The following DNAJC13 variants were observed in gnomAD, a reference collection of about 807,000 sequenced individuals.
DNAJC13 encodes dnaJ homolog subfamily C member 13.
DNAJC13 carries 75 observed loss-of-function variants against 290.5 expected under a neutral mutation model. The ratio of observed to expected loss-of-function variants is 0.26; its 90% CI spans 0.21 to 0.31. DNAJC13 has a LOEUF of 0.31. Ranked by LOEUF, DNAJC13 falls within the 10% of genes least tolerant of loss-of-function variation. DNAJC13 has a pLI of 1.00. For synonymous variants in DNAJC13, 862 were observed against 892.0 expected (o/e 0.97, Z 0.60); for missense variants, 2,260 against 2,674.5 (o/e 0.85, Z 3.42).
chr3:132,533,270 G>C (rs1428807481), intron 55 of DNAJC13, among the ~76,000 whole-genome samples: 1 of 150,888 alleles, frequency 6.6e-6, no homozygotes, highest in Admixed American at 6.6e-5. Context: ...GACTTCAGGT[G>C]ATCTGCCCAC....
At position 132,456,502 on chromosome 3, in the gene DNAJC13, T is replaced by C; in HGVS notation, c.1101T>C (p.Asn367=). 2 of 1,613,828 alleles carry C rather than the reference T, an allele frequency of 1.2e-6. No individual in the cohort carries two copies. Among genetic ancestry groups the C allele is most frequent in the African/African-American group, 2.7e-5 (2 of 75,038 alleles). Residue 367 remains asparagine (N), a splice_region_variant and synonymous_variant, in exon 11 of 56, where the codon AAT becomes AAC. Transcript: ENST00000260818. ...TTGAACCTCTTAATCTCTTTACAGATGGCAACTTTGCAGATGCTGTATTCA... is the reference window on the plus strand; with the variant it reads ...TTGAACCTCTTAATCTCTTTACAGACGGCAACTTTGCAGATGCTGTATTCA... ...LHLRFLATPP[N]GNFADAVFRF...
intron 2 of DNAJC13, among the ~76,000 whole-genome samples, chr3:132,444,121 A>C (rs1933168075): frequency 6.6e-6 from 1 of 152,116 alleles, no homozygotes; most frequent in African/African-American, 2.4e-5. Flanking sequence ...CCTGAGCTCC[A>C]TCCACCTCCT....
At chr3:132,503,757 A>G (rs7651369) in intron 41 of DNAJC13, among the ~76,000 whole-genome samples, 76,231 of 151,924 alleles carry the variant, frequency 0.5, 22,409 homozygotes, top group African/African-American at 0.8. Context: ...ATTCAGACAC[A>G]GGGTTAAAAT....
Position 132,492,460 on chromosome 3 carries a change from C to A in DNAJC13, c.3670C>A (p.Pro1224Thr), listed in dbSNP as rs1362120531. 6.2e-7 allele frequency: 1 copy of A among 1,613,742 alleles called. No homozygotes were observed. ...KIAAHLADFT[P>T]RLQSNTRALY... ...TGCTGCCCATCTCGCGGATTTCACA[C>A]CTCGTCTTCAGAGTAACACAAGAGC... Residue 1224 changes from proline to threonine, a missense_variant, in exon 33 of 56, where the codon CCT becomes ACT. This residue lies in a region of DNAJC13 where 1,494 missense variants were observed against 1,693.7 expected (regional missense o/e 0.88). Transcript: ENST00000260818.
intron 31 of DNAJC13, among the ~76,000 whole-genome samples, chr3:132,489,632 A>G (rs1445481583): frequency 6.6e-6 from 1 of 151,696 alleles, no homozygotes; most frequent in Non-Finnish European, 1.5e-5. Flanking sequence ...TTTTTTTTGG[A>G]TCATATCAAG....
chr3:132,507,605 C>T (rs1015228706), intron 43 of DNAJC13, among the ~76,000 whole-genome samples: 4 of 152,094 alleles, frequency 2.6e-5, no homozygotes, highest in African/African-American at 9.7e-5. Flanking sequence ...CAATATTTCA[C>T]ACTTTTTCAT....
chr3:132,433,992 T>A (rs1422593591), intron 1 of DNAJC13, among the ~76,000 whole-genome samples: 1 of 152,084 alleles, frequency 6.6e-6, no homozygotes, highest in East Asian at 1.9e-4. Flanking sequence ...GGCGGGAGGA[T>A]CATGAGGTCA....
At chr3:132,467,935 C>T (rs1319609881) in intron 20 of DNAJC13, among the ~76,000 whole-genome samples, 1 of 151,886 alleles carries the variant, frequency 6.6e-6, no homozygotes, top group East Asian at 1.9e-4. Context: ...ATTTTCTTCC[C>T]TTCTTCTCTG....
Position 132,523,699 on chromosome 3 carries a change from A to G in DNAJC13, c.6046A>G (p.Lys2016Glu), listed in dbSNP as rs1936166371. The G allele has an allele frequency of 6.2e-7, 1 of 1,613,688 alleles. No homozygotes were observed. Among genetic ancestry groups the G allele is most frequent in the East Asian group, 2.2e-5 (1 of 44,860 alleles). Residue 2016 changes from lysine (K) to glutamate (E), a missense_variant, in exon 51 of 56, where the codon AAG (lysine) becomes GAG (glutamate). Coordinates refer to ENST00000260818, the MANE Select transcript of DNAJC13 (RefSeq NM_015268.4). ...AGAAAAATTAACTGAGCTCCTAGAG[A>G]AGAACAATCCTCATGTAAGCTTCAG... ...LLEKLTELLE[K>E]NNPHGETLET... is the part of the protein sequence containing the mutation.
At chr3:132,477,188 C>T (rs960829937) in intron 22 of DNAJC13, among the ~76,000 whole-genome samples, 8 of 152,128 alleles carry the variant, frequency 5.3e-5, no homozygotes, top group Non-Finnish European at 8.8e-5. Context: ...TTATTTTAGA[C>T]TTCGGAAAAA....
intron 1 of DNAJC13, among the ~76,000 whole-genome samples, chr3:132,425,283 G>GA (rs1421299645): frequency 2.0e-5 from 3 of 152,102 alleles, no homozygotes; most frequent in Non-Finnish European, 4.4e-5. Flanking sequence ...CCTATGATGT[G>GA]AATGTCTGCT....
chr3:132,430,845 T>C (rs1939222120), intron 1 of DNAJC13, among the ~76,000 whole-genome samples: 1 of 152,210 alleles, frequency 6.6e-6, no homozygotes, highest in African/African-American at 2.4e-5. Flanking sequence ...TAAATCTTAG[T>C]TGGGTGCTTT....
At chr3:132,527,891 A>G (rs186857386) in intron 53 of DNAJC13, among the ~76,000 whole-genome samples, 2 of 152,292 alleles carry the variant, frequency 1.3e-5, no homozygotes, top group African/African-American at 4.8e-5. Flanking sequence ...CTCAGGTTCT[A>G]TGTTTTCTGG....
At chr3:132,480,553 A>C in intron 26 of DNAJC13, 83 bp downstream of exon 26, 1 of 1,031,010 alleles carries the variant, frequency 9.7e-7, no homozygotes, top group Non-Finnish European at 1.5e-6. Context: ...AAATCTGAAA[A>C]GATGTGGTCA....
At chr3:132,460,486 G>A in intron 14 of DNAJC13, 129 bp downstream of exon 14, 3 of 579,608 alleles carry the variant, frequency 5.2e-6, no homozygotes, top group Non-Finnish European at 3.1e-6. Flanking sequence ...ATTGGTCACA[G>A]TTCAGCTTGG....
At chr3:132,501,191 T>A (rs1935397864) in intron 39 of DNAJC13, among the ~76,000 whole-genome samples, 1 of 151,954 alleles carries the variant, frequency 6.6e-6, no homozygotes, top group Non-Finnish European at 1.5e-5. Context: ...AAGCCTGTAA[T>A]AAATAAGTCT....
intron 32 of DNAJC13, 74 bp from the exon 33 acceptor site, chr3:132,492,340 C>T (rs1352603209): frequency 1.6e-5 from 23 of 1,421,478 alleles, no homozygotes; most frequent in Admixed American, 3.6e-5. Flanking sequence ...AACTATCTTA[C>T]ATGATTATGT....
At chr3:132,492,073 G>A (rs1935072551) in intron 32 of DNAJC13, among the ~76,000 whole-genome samples, 1 of 152,032 alleles carries the variant, frequency 6.6e-6, no homozygotes, top group African/African-American at 2.4e-5. Context: ...CATCTAGCGA[G>A]CTTCTTTGGA....
chr3:132,523,090 T>G, intron 49 of DNAJC13, 67 bp from the exon 50 acceptor site: 2 of 1,608,770 alleles, frequency 1.2e-6, no homozygotes, highest in Non-Finnish European at 1.7e-6. Flanking sequence ...CTCTAAAACT[T>G]ATGCTAAAGG....
Sources: allele counts gnomAD v4.1 joint callset (sites outside exome capture counted in the v4.1 genomes callset), GRCh38; gene constraint gnomAD v4.1.1; regional missense constraint gnomAD v4.1.1; transcripts MANE v1.5; gene names NCBI Gene and HGNC (gene_info 2026-07-23, HGNC 2026-07-21).